Variants in BICRAL observed in about 807,000 individuals in gnomAD.
The protein encoded by BICRAL is BRD4-interacting chromatin-remodeling complex-associated protein-like.
BICRAL carries 8 observed loss-of-function variants against 91.8 expected under a neutral mutation model. The ratio of observed to expected loss-of-function variants is 0.09; its 90% CI spans 0.05 to 0.16. BICRAL has a LOEUF of 0.16. Among genes scored for constraint, BICRAL ranks in the 10% least tolerant of loss-of-function variants. The probability of loss-of-function intolerance (pLI) is 1.00; values close to 1 mark genes in which losing one functional copy is unlikely to be tolerated. For missense variants in BICRAL, 1,038 were observed against 1,310.9 expected, an observed-to-expected ratio of 0.79 and a Z score of 3.21; for synonymous variants, 445 against 491.1, an observed-to-expected ratio of 0.91 and a Z score of 1.24.
chr6:42,785,631 T>TA (rs1400042588), intron 1 of BICRAL, among the ~76,000 whole-genome samples: 1 of 151,930 alleles, frequency 6.6e-6, no homozygotes, highest in Admixed American at 6.6e-5. Flanking sequence ...AAGACCCTGA[T>TA]ATAAAGACCT....
chr6:42,761,744 C>T (rs544719335), intron 1 of BICRAL, among the ~76,000 whole-genome samples: 1 of 151,538 alleles, frequency 6.6e-6, no homozygotes, highest in East Asian at 1.9e-4. Flanking sequence ...CCTGCCATCT[C>T]TATAAAAAAT....
Position 42,785,165 on chromosome 6 carries a change from T to A in BICRAL, c.-102+3064T>A, listed in dbSNP as rs571322667. 6.6e-4 allele frequency among the ~76,000 whole-genome samples: 100 copies of A among 152,318 alleles called. 1 individual carries two copies. Among genetic ancestry groups the A allele is most frequent in the South Asian group, 3.7e-3 (18 of 4,826 alleles). On this transcript the variant is annotated intron_variant, in intron 1 of 12. Coordinates refer to ENST00000314073, the MANE Select transcript of BICRAL (RefSeq NM_001393499.1). ...AGACTTTAAAATCTCAGTACGTTTT[T>A]TTTTAAAGTATGTTGTCTCATTCTA...
chr6:42,785,590 G>A (rs547831846), intron 1 of BICRAL, among the ~76,000 whole-genome samples: 48 of 150,952 alleles, frequency 3.2e-4, no homozygotes, highest in Non-Finnish European at 5.6e-4. Flanking sequence ...TTGAATCCAG[G>A]ATTGATCCAG....
At position 42,786,386 on chromosome 6, in the gene BICRAL, G is replaced by A. The variant is rs143157427; in HGVS notation, c.-102+4285G>A. ...AGTGACTTCCAGTTTTTGAAGGGAA[G>A]TCACTTCTGGTTTTTCTCCCCTTGT... On this transcript the variant is annotated intron_variant, in intron 1 of 12. Coordinates refer to ENST00000314073, the MANE Select transcript of BICRAL (RefSeq NM_001393499.1). Among the ~76,000 whole-genome samples, 652 of 152,298 alleles carry A rather than the reference G, an allele frequency of 4.3e-3. 3 individuals are homozygous for A. Among genetic ancestry groups the A allele is most frequent in the African/African-American group, 0.015 (611 of 41,548 alleles).
In BICRAL at chr6:42,865,508, G is replaced by GT. The variant is rs1765689377; in HGVS notation, c.*64dup. 1.2e-6 allele frequency: 1 copy of GT among 813,188 alleles called. No homozygotes were observed. Among genetic ancestry groups the GT allele is most frequent in the African/African-American group, 2.1e-5 (1 of 48,174 alleles). The allele number at this position is 813,188 out of a possible 1,614,324, so 50.4% of individuals were successfully genotyped here. A position where few individuals can be genotyped will look rare whatever the true frequency, so the allele number is the denominator to read the frequency against. Reference sequence around the variant, plus strand: ...CACCCCGAGACCCCACCCCGGACCAGTTACATTCGTTCCTGGCAAAAGCAA... The same window carrying GT: ...CACCCCGAGACCCCACCCCGGACCAGTTTACATTCGTTCCTGGCAAAAGCAA... On this transcript the variant is annotated 3_prime_UTR_variant, in exon 13 of 13. Coordinates refer to ENST00000314073, the MANE Select transcript of BICRAL (RefSeq NM_001393499.1).
chr6:42,771,041 C>T (rs1762716608), intron 1 of BICRAL, among the ~76,000 whole-genome samples: 1 of 152,246 alleles, frequency 6.6e-6, no homozygotes, highest in Non-Finnish European at 1.5e-5. Flanking sequence ...TTTTCACTGA[C>T]ACCTGGGGAC....
chr6:42,827,161 T>C, intron 5 of BICRAL, among the ~76,000 whole-genome samples: 1 of 152,224 alleles, frequency 6.6e-6, no homozygotes, highest in East Asian at 1.9e-4. Context: ...GACTATACTG[T>C]TGAACTCACT....
At chr6:42,826,215 TCTGG>T (rs2113950761) in intron 5 of BICRAL, among the ~76,000 whole-genome samples, 1 of 136,948 alleles carries the variant, frequency 7.3e-6, no homozygotes, top group Non-Finnish European at 1.7e-5. Context: ...GCCACCAGGC[TCTGG>T]AAACTCATGT....
At chr6:42,789,363 T>C (rs1237549830) in intron 1 of BICRAL, among the ~76,000 whole-genome samples, 3 of 152,066 alleles carry the variant, frequency 2.0e-5, no homozygotes, top group Admixed American at 2.0e-4. Context: ...TGAATTAGGC[T>C]GGGCCCATGG....
rs553227865 is a variant in BICRAL at position 42,768,009 on chromosome 6, C to CT, written c.-260-13829dup. ...AGTCATTCTGAGGGTGCTTGGGGAC[C>CT]TGTCAGATGGTTTAGAGCAGGGAGT... On this transcript the variant is annotated intron_variant, in intron 1 of 14. Transcript: ENST00000614467. Among the ~76,000 whole-genome samples the CT allele has an allele frequency of 5.0e-3, 766 of 152,210 alleles. 5 individuals carry two copies. The highest frequency in any genetic ancestry group is 8.4e-3 in the Non-Finnish European group (568 of 68,006).
rs1359721806 is a variant in BICRAL at position 42,844,563 on chromosome 6, A to AAGATCCAC, written c.1840-7525_1840-7518dup. ...AAAAAAAAGAGGGTGTTGCAGAAAG[A>AAGATCCAC]AGATCCACAGAGTGATGCACACTGA... On this transcript the variant is annotated intron_variant, in intron 6 of 12. Transcript: ENST00000314073. Among the ~76,000 whole-genome samples, 4 of 136,878 alleles carry AAGATCCAC rather than the reference A, an allele frequency of 2.9e-5. 1 individual carries two copies. The highest frequency in any genetic ancestry group is 7.4e-5 in the Admixed American group (1 of 13,578). 89.8% of individuals were successfully genotyped at this position (136,878 alleles called of 152,430 possible).
chr6:42,798,347 A>T (rs1172662850), intron 1 of BICRAL, among the ~76,000 whole-genome samples: 1 of 151,756 alleles, frequency 6.6e-6, no homozygotes, highest in Non-Finnish European at 1.5e-5. Flanking sequence ...AAATTAAAAT[A>T]AATCTAAAAA....
At chr6:42,750,820 C>T (rs1014744431) in intron 1 of BICRAL, among the ~76,000 whole-genome samples, 5 of 150,476 alleles carry the variant, frequency 3.3e-5, no homozygotes, top group Non-Finnish European at 5.9e-5. Context: ...TGAGATGATC[C>T]GCCTGCCTCA....
At chr6:42,804,386 G>A (rs886933347) in intron 1 of BICRAL, among the ~76,000 whole-genome samples, 3 of 152,146 alleles carry the variant, frequency 2.0e-5, no homozygotes, top group African/African-American at 4.8e-5. Flanking sequence ...AGGTTGTTAT[G>A]GGGATGCATG....
intron 1 of BICRAL, among the ~76,000 whole-genome samples, chr6:42,806,389 CTG>C (rs1232013962): frequency 2.6e-5 from 4 of 152,198 alleles, no homozygotes; most frequent in Non-Finnish European, 5.9e-5. Flanking sequence ...GAGTCTTACT[CTG>C]TTGTCGAGGG....
chr6:42,858,131 A>G (rs560101661), intron 10 of BICRAL, among the ~76,000 whole-genome samples: 1 of 151,498 alleles, frequency 6.6e-6, no homozygotes, highest in Non-Finnish European at 1.5e-5. Flanking sequence ...TAATAGTTTT[A>G]TGAATTAGGC....
At chr6:42,821,989 A>G in intron 2 of BICRAL, 29 bp from the exon 3 acceptor site, 1 of 1,512,944 alleles carries the variant, frequency 6.6e-7, no homozygotes, top group African/African-American at 1.4e-5. Flanking sequence ...CTTTACTGAA[A>G]CCTGTTTTCC....
chr6:42,817,148 ATGTGTGTGTGTG>A (rs35347910), intron 2 of BICRAL, among the ~76,000 whole-genome samples: 2 of 148,398 alleles, frequency 1.3e-5, no homozygotes, highest in African/African-American at 5.0e-5. Flanking sequence ...CATCATTTAT[ATGTGTGTGTGTG>A]TGTGTGTGTG....
intron 1 of BICRAL, among the ~76,000 whole-genome samples, chr6:42,756,898 C>CTT (rs1562448018): frequency 4.8e-5 from 6 of 125,634 alleles, no homozygotes; most frequent in South Asian, 2.8e-4. Flanking sequence ...CTCTCTCTCT[C>CTT]TCTCTCTCTC....
Sources: gnomAD v4.1 joint callset for allele counts (sites outside exome capture counted in the v4.1 genomes callset) on GRCh38, gnomAD v4.1.1 for gene constraint, MANE v1.5 for transcripts, NCBI Gene and HGNC (gene_info 2026-07-23, HGNC 2026-07-21) for gene names.